TUB: variants seen among roughly 807,000 people sequenced by gnomAD.
The protein encoded by TUB is TUB bipartite transcription factor, also known as tubby protein homolog.
In TUB, 33 loss-of-function variants were observed where a neutral mutation model predicts 59.7. The ratio of observed to expected loss-of-function variants is 0.55; its 90% CI spans 0.42 to 0.74. The LOEUF is 0.74. TUB is among the 30% of genes least tolerant of loss of function. The pLI is 0.00. For missense variants in TUB, 659 were observed against 672.0 expected, an observed-to-expected ratio of 0.98 and a Z score of 0.21; for synonymous variants, 293 against 256.4, an observed-to-expected ratio of 1.14 and a Z score of -1.36.
chr11:8,046,099 T>G (rs1380519358), intron 2 of TUB, among the ~76,000 whole-genome samples: 1 of 151,756 alleles, frequency 6.6e-6, no homozygotes, highest in Non-Finnish European at 1.5e-5. Flanking sequence ...CCTCCATCCC[T>G]CCTTCTCTTT....
In TUB at chr11:8,072,259, C is replaced by G. The variant is rs147722527; in HGVS notation, c.204-17351C>G. ...CCTAGAAGGAGTCTTCACGCGTCGC[C>G]TCCTCCAGGCCAGAGCTCAGCTTGG... On this transcript the variant is annotated intron_variant, in intron 2 of 12. Coordinates refer to the TUB transcript ENST00000305253. 8.4e-3 allele frequency among the ~76,000 whole-genome samples: 1,283 copies of G among 152,284 alleles called. 9 individuals are homozygous for G. Among genetic ancestry groups the G allele is most frequent in the Non-Finnish European group, 0.014 (985 of 68,010 alleles).
chr11:8,084,333 G>A (rs559711784), intron 1 of TUB, among the ~76,000 whole-genome samples: 26 of 152,294 alleles, frequency 1.7e-4, no homozygotes, highest in Non-Finnish European at 3.1e-4. Flanking sequence ...TTCAAAGGGA[G>A]CCATTGAGTT....
At chr11:8,094,011 TTC>T (rs771333995) in intron 3 of TUB, 33 bp from the exon 4 acceptor site, 6 of 1,613,766 alleles carry the variant, frequency 3.7e-6, no homozygotes, top group Middle Eastern at 1.6e-4. Context: ...CACTGCCTGT[TTC>T]TCTCTCTCCA....
chr11:8,055,664 C>G (rs2133762742), intron 2 of TUB, among the ~76,000 whole-genome samples: 1 of 152,344 alleles, frequency 6.6e-6, no homozygotes, highest in African/African-American at 2.4e-5. Context: ...AAGGACAGGG[C>G]AAGAGTACAG....
In TUB at chr11:8,101,515, G is replaced by A; in HGVS notation, c.1417G>A (p.Val473Ile). Residue 473 changes from valine (V) to isoleucine (I), a missense_variant, in exon 12 of 12, where the codon GTA (valine) becomes ATA (isoleucine). Val to Ile is a conservative substitution (Grantham distance 29, BLOSUM62 3). Around this residue, in one of 3 missense-constraint regions of TUB, gnomAD observed 226 missense variants for 210.8 expected, o/e 1.07. Coordinates refer to ENST00000299506, the MANE Select transcript of TUB (RefSeq NM_177972.3). ...CTACATCGTGATGCAGTTTGGCCGG[G>A]TAGCAGAGGATGTGTTCACCATGGA... ...PDYIVMQFGR[V>I]AEDVFTMDYN... 1 of 1,614,212 alleles carries A rather than the reference G, an allele frequency of 6.2e-7. No homozygotes were observed. Among genetic ancestry groups the A allele is most frequent in the Non-Finnish European group, 8.5e-7 (1 of 1,180,044 alleles).
At chr11:8,073,316 CAA>C (rs1554927171) in intron 2 of TUB, among the ~76,000 whole-genome samples, 1 of 152,142 alleles carries the variant, frequency 6.6e-6, no homozygotes, top group Non-Finnish European at 1.5e-5. Context: ...AATAAATTTT[CAA>C]AGAGTTTAAA....
chr11:8,071,504 A>T (rs1943359645), intron 2 of TUB, among the ~76,000 whole-genome samples: 1 of 152,108 alleles, frequency 6.6e-6, no homozygotes, highest in Admixed American at 6.5e-5. Flanking sequence ...TAAACTTGGG[A>T]TTCCTGACAT....
At chr11:8,087,790 C>G (rs1315543194) in intron 1 of TUB, among the ~76,000 whole-genome samples, 1 of 152,248 alleles carries the variant, frequency 6.6e-6, no homozygotes, top group Non-Finnish European at 1.5e-5. Flanking sequence ...GTTGTAGCCT[C>G]TCAGGCCTGG....
At chr11:8,030,033 G>T (rs375555514) in intron 1 of TUB, among the ~76,000 whole-genome samples, 7 of 152,158 alleles carry the variant, frequency 4.6e-5, no homozygotes, top group African/African-American at 1.4e-4. Context: ...GGCAGTGAGT[G>T]GGGGGTGGTC....
intron 7 of TUB, 78 bp from the exon 8 acceptor site, chr11:8,097,636 A>T (rs1944057923): frequency 1.4e-5 from 19 of 1,363,066 alleles, no homozygotes; most frequent in South Asian, 8.9e-5. Context: ...CAACGGAGAG[A>T]GTCTGTGTGA....
At position 8,102,881 on chromosome 11, in the gene TUB, T is replaced by C. The variant is rs1944364673; in HGVS notation, c.*1262T>C. ...GTTCTCTTGATTTCTTTGTTCCCAC[T>C]GTCCCCCAAGAAACTAGTATCTCTG... On this transcript the variant is annotated 3_prime_UTR_variant, in exon 12 of 12. Transcript: ENST00000299506. 1 of 146,740 alleles carries C rather than the reference T, an allele frequency of 6.8e-6. No homozygotes were observed. Among genetic ancestry groups the C allele is most frequent in the African/African-American group, 2.5e-5 (1 of 39,542 alleles). The allele number at this position is 146,740 out of a possible 1,614,324, so 9.1% of individuals were successfully genotyped here.
intron 2 of TUB, among the ~76,000 whole-genome samples, chr11:8,060,677 C>T (rs1189524780): frequency 6.6e-6 from 1 of 152,140 alleles, no homozygotes; most frequent in Non-Finnish European, 1.5e-5. Context: ...CCACCCTGTC[C>T]CCAGCTTCAT....
intron 7 of TUB, 97 bp from the exon 8 acceptor site, chr11:8,097,617 G>A (rs189245219): frequency 7.6e-7 from 1 of 1,315,568 alleles, no homozygotes. Flanking sequence ...GTGCGTTTGG[G>A]AGCTGACGCA....
intron 3 of TUB, among the ~76,000 whole-genome samples, chr11:8,092,042 C>T (rs1943793211): frequency 6.6e-6 from 1 of 152,234 alleles, no homozygotes; most frequent in African/African-American, 2.4e-5. Flanking sequence ...CATTGACGTG[C>T]AGTCGTTTTG....
chr11:8,100,429 A>G, intron 9 of TUB, 74 bp from the exon 10 acceptor site: 2 of 1,183,066 alleles, frequency 1.7e-6, no homozygotes, highest in Non-Finnish European at 2.5e-6. Flanking sequence ...CTTCCTCTTT[A>G]TTCCCGTCCC....
At chr11:8,029,478 T>G (rs1942541790) in intron 1 of TUB, among the ~76,000 whole-genome samples, 1 of 149,872 alleles carries the variant, frequency 6.7e-6, no homozygotes, top group Admixed American at 6.7e-5. Context: ...AACCTCTGCC[T>G]CTCAGGTTCA....
At chr11:8,063,786 A>G (rs1476692608) in intron 2 of TUB, among the ~76,000 whole-genome samples, 1 of 152,226 alleles carries the variant, frequency 6.6e-6, no homozygotes, top group African/African-American at 2.4e-5. Flanking sequence ...GTTCTCCAGA[A>G]ATATTGAGCC....
chr11:8,098,207 T>TG (rs913081075), intron 8 of TUB, among the ~76,000 whole-genome samples: 8 of 121,960 alleles, frequency 6.6e-5, no homozygotes, highest in African/African-American at 2.6e-4. Context: ...ATCTTGGGGG[T>TG]GGGGGGCAGT....
Position 8,096,771 on chromosome 11 carries a change from C to G in TUB, c.652C>G (p.Arg218Gly). 2 of 1,614,140 alleles carry G rather than the reference C, an allele frequency of 1.2e-6. No individual in the cohort carries two copies. Among genetic ancestry groups the G allele is most frequent in the Admixed American group, 1.7e-5 (1 of 60,022 alleles). Residue 218 changes from arginine to glycine, a missense_variant, in exon 6 of 12, where the codon CGC (arginine) becomes GGC (glycine). Arg to Gly is a moderately radical substitution (Grantham distance 125). Transcript: ENST00000299506. ...SSSSQLNSNTRPSSATSRKSV... is the reference protein window; with the variant it reads ...SSSSQLNSNTGPSSATSRKSV... ...CTCCTCCCAGCTAAATAGTAACACC[C>G]GCCCCAGCTCTGCTACTAGCAGGAA...
Sources: allele counts gnomAD v4.1 joint callset (sites outside exome capture counted in the v4.1 genomes callset), GRCh38; gene constraint gnomAD v4.1.1; regional missense constraint gnomAD v4.1.1; transcripts MANE v1.5; gene names NCBI Gene and HGNC (gene_info 2026-07-23, HGNC 2026-07-21).